Variants in CDH12 observed in about 807,000 individuals in gnomAD.
CDH12 encodes cadherin 12, also known as cadherin-12.
Under a neutral mutation model 74.1 loss-of-function variants are expected in CDH12, and 41 were observed. The observed-to-expected ratio is 0.55, with a 90% confidence interval of 0.43 to 0.72. The LOEUF (loss-of-function observed/expected upper bound fraction) is 0.72. CDH12 is among the 30% of genes least tolerant of loss of function. The pLI, the probability that CDH12 is intolerant of heterozygous loss-of-function variation, is 0.00. For missense variants in CDH12, 945 were observed against 977.2 expected, an observed-to-expected ratio of 0.97 and a Z score of 0.44; for synonymous variants, 399 against 355.0, an observed-to-expected ratio of 1.12 and a Z score of -1.39.
intron 4 of CDH12, among the ~76,000 whole-genome samples, chr5:22,103,422 A>T (rs1744260297): frequency 6.6e-6 from 1 of 152,208 alleles, no homozygotes; most frequent in Non-Finnish European, 1.5e-5. Flanking sequence ...GCAGCTGCTC[A>T]TCAACACTGA....
At chr5:22,829,050 T>C (rs1032577463) in intron 1 of CDH12, among the ~76,000 whole-genome samples, 2 of 152,164 alleles carry the variant, frequency 1.3e-5, no homozygotes, top group African/African-American at 4.8e-5. Context: ...GGAGTTTGAT[T>C]CTCATTATTG....
intron 6 of CDH12, among the ~76,000 whole-genome samples, chr5:21,955,915 TACAA>T (rs1399253507): frequency 2.6e-5 from 4 of 152,048 alleles, no homozygotes; most frequent in Admixed American, 2.0e-4. Flanking sequence ...AGCTAAATCT[TACAA>T]TATTCTCAAG....
intron 3 of CDH12, among the ~76,000 whole-genome samples, chr5:22,349,730 T>G (rs574557389): frequency 3.9e-5 from 6 of 152,328 alleles, no homozygotes; most frequent in Admixed American, 3.3e-4. Context: ...ACTATAGACT[T>G]ACTTTAGCTA....
At chr5:22,357,235 G>A (rs531669887) in intron 3 of CDH12, among the ~76,000 whole-genome samples, 2 of 152,218 alleles carry the variant, frequency 1.3e-5, no homozygotes, top group East Asian at 3.9e-4. Flanking sequence ...ATTCCCATGA[G>A]AGATGTGTGT....
At chr5:22,797,937 A>G (rs1748313793) in intron 1 of CDH12, among the ~76,000 whole-genome samples, 1 of 152,202 alleles carries the variant, frequency 6.6e-6, no homozygotes, top group Admixed American at 6.5e-5. Context: ...GTTTTGGTAC[A>G]GTACCATAGT....
chr5:21,869,148 G>A (rs754123579), intron 6 of CDH12, among the ~76,000 whole-genome samples: 5 of 152,182 alleles, frequency 3.3e-5, no homozygotes, highest in Non-Finnish European at 5.9e-5. Flanking sequence ...CTTGGCTGGG[G>A]TGATTGATCT....
intron 1 of CDH12, among the ~76,000 whole-genome samples, chr5:22,738,660 C>A (rs1744863348): frequency 6.6e-6 from 1 of 151,946 alleles, no homozygotes; most frequent in Non-Finnish European, 1.5e-5. Flanking sequence ...TGTCATAATT[C>A]ATATAAAAAC....
Position 22,154,585 on chromosome 5 carries a change from G to A in CDH12, c.-187+57913C>T, listed in dbSNP as rs1183997403. Among the ~76,000 whole-genome samples, 7 of 147,668 alleles carry A rather than the reference G, an allele frequency of 4.7e-5. 1 individual carries two copies. Among genetic ancestry groups the A allele is most frequent in the South Asian group, 4.2e-4 (2 of 4,734 alleles). On this transcript the variant is annotated intron_variant, in intron 4 of 14. Coordinates refer to ENST00000382254, the MANE Select transcript of CDH12 (RefSeq NM_004061.5). ...TATACACATATGTATATATGTATAT[G>A]TGTACACATATATATACACACTATA...
chr5:22,846,041 G>T (rs1406447316), intron 1 of CDH12, among the ~76,000 whole-genome samples: 4 of 152,140 alleles, frequency 2.6e-5, no homozygotes, highest in African/African-American at 9.7e-5. Flanking sequence ...CATATTTAGA[G>T]AAGGAAGTCA....
intron 1 of CDH12, among the ~76,000 whole-genome samples, chr5:22,700,944 A>C (rs1742681054): frequency 6.6e-6 from 1 of 152,204 alleles, no homozygotes; most frequent in South Asian, 2.1e-4. Flanking sequence ...GTTTCTACTT[A>C]AGAGAAATAT....
chr5:22,757,443 T>C (rs1745984069), intron 1 of CDH12, among the ~76,000 whole-genome samples: 1 of 152,226 alleles, frequency 6.6e-6, no homozygotes, highest in Non-Finnish European at 1.5e-5. Context: ...ATATTTCATT[T>C]TGATATAAAC....
intron 1 of CDH12, among the ~76,000 whole-genome samples, chr5:22,664,781 A>G (rs1171808448): frequency 6.6e-6 from 1 of 152,144 alleles, no homozygotes. Context: ...AAGGTTATAG[A>G]CGTAGATTTC....
intron 3 of CDH12, among the ~76,000 whole-genome samples, chr5:22,292,794 G>T (rs1297024537): frequency 6.6e-6 from 1 of 152,126 alleles, no homozygotes; most frequent in Non-Finnish European, 1.5e-5. Flanking sequence ...ATGCACTGTT[G>T]GTGGGAATGT....
chr5:22,533,518 C>T (rs973329503), intron 1 of CDH12, among the ~76,000 whole-genome samples: 3 of 152,154 alleles, frequency 2.0e-5, no homozygotes, highest in African/African-American at 7.2e-5. Context: ...CTATCAGGAA[C>T]CTCATTTCTT....
chr5:22,227,471 G>T (rs1752235807), intron 3 of CDH12, among the ~76,000 whole-genome samples: 1 of 151,992 alleles, frequency 6.6e-6, no homozygotes, highest in Admixed American at 6.6e-5. Flanking sequence ...GATTTTTTCA[G>T]GGCTTTCCCC....
At chr5:21,832,793 A>AAT (rs1360591466) in intron 8 of CDH12, among the ~76,000 whole-genome samples, 3 of 102,308 alleles carry the variant, frequency 2.9e-5, no homozygotes, top group Non-Finnish European at 5.1e-5. Flanking sequence ...TATATCATAT[A>AAT]ATATATATAT....
At chr5:22,743,600 A>C (rs1420000656) in intron 1 of CDH12, among the ~76,000 whole-genome samples, 1 of 152,168 alleles carries the variant, frequency 6.6e-6, no homozygotes, top group Non-Finnish European at 1.5e-5. Context: ...AAAGGTCATT[A>C]TACATGAAAT....
intron 1 of CDH12, among the ~76,000 whole-genome samples, chr5:22,622,699 AG>A (rs1738040401): frequency 6.6e-6 from 1 of 152,186 alleles, no homozygotes; most frequent in South Asian, 2.1e-4. Flanking sequence ...CACCAAAAAA[AG>A]TCCAGGACCA....
At chr5:22,435,783 G>C (rs1744361789) in intron 2 of CDH12, among the ~76,000 whole-genome samples, 1 of 151,954 alleles carries the variant, frequency 6.6e-6, no homozygotes, top group Non-Finnish European at 1.5e-5. Context: ...CCCTGCACTT[G>C]ATGGATCACC....
Sources: allele counts gnomAD v4.1 joint callset (sites outside exome capture counted in the v4.1 genomes callset), GRCh38; gene constraint gnomAD v4.1.1; transcripts MANE v1.5; gene names NCBI Gene and HGNC (gene_info 2026-07-23, HGNC 2026-07-21).